The following CELF2 variants were observed in gnomAD, a reference collection of about 807,000 sequenced individuals.
CELF2 encodes the protein CUG triplet repeat RNA-binding protein 2.
A neutral mutation model predicts 62.6 loss-of-function variants in CELF2; 8 were observed. That is an observed-to-expected ratio of 0.13 (90% CI 0.07 to 0.23). CELF2 has a LOEUF of 0.23. Among genes scored for constraint, CELF2 ranks in the 10% least tolerant of loss-of-function variants. The probability of loss-of-function intolerance (pLI) is 1.00; values close to 1 mark genes in which losing one functional copy is unlikely to be tolerated. For missense variants in CELF2, 333 were observed against 671.0 expected (o/e 0.50, Z 5.56); for synonymous variants, 258 against 250.0 (o/e 1.03, Z -0.30).
At chr10:11,196,784 C>T (rs1016188770) in intron 2 of CELF2, among the ~76,000 whole-genome samples, 5 of 151,612 alleles carry the variant, frequency 3.3e-5, no homozygotes, top group African/African-American at 9.7e-5. Flanking sequence ...GGTGAAACCC[C>T]GTCTCTACAA....
chr10:10,720,800 G>A, the CELF2 span, among the ~76,000 whole-genome samples: 1 of 152,204 alleles, frequency 6.6e-6, no homozygotes, highest in Non-Finnish European at 1.5e-5. Flanking sequence ...TAACCTGGGT[G>A]GGCTTGGCTG....
At chr10:11,029,218 GT>G (rs1348535449) in intron 1 of CELF2, among the ~76,000 whole-genome samples, 2 of 152,318 alleles carry the variant, frequency 1.3e-5, no homozygotes, top group African/African-American at 4.8e-5. Context: ...TGGGGTATGG[GT>G]TATCTGTAGC....
chr10:10,811,616 G>A (rs1157320199), intron 1 of CELF2, among the ~76,000 whole-genome samples: 1 of 152,182 alleles, frequency 6.6e-6, no homozygotes, highest in Non-Finnish European at 1.5e-5. Flanking sequence ...ACCATTATAA[G>A]CCCTATGTAT....
the CELF2 span, among the ~76,000 whole-genome samples, chr10:10,605,040 G>A: frequency 9.2e-5 from 14 of 152,298 alleles, no homozygotes; most frequent in Admixed American, 3.3e-4. Context: ...ATCAACGATA[G>A]ACTGGATAAA....
intron 1 of CELF2, among the ~76,000 whole-genome samples, chr10:11,126,775 C>G (rs1282574643): frequency 6.6e-6 from 1 of 152,090 alleles, no homozygotes; most frequent in East Asian, 1.9e-4. Context: ...ATTTCCTACT[C>G]CCTTGTAATA....
the CELF2 span, among the ~76,000 whole-genome samples, chr10:10,611,359 C>G: frequency 6.6e-6 from 1 of 152,050 alleles, no homozygotes; most frequent in African/African-American, 2.4e-5. Context: ...TTTTGTATAC[C>G]TCTTCATCCT....
intron 1 of CELF2, among the ~76,000 whole-genome samples, chr10:10,893,857 TC>T (rs745419039): frequency 5.9e-5 from 9 of 151,808 alleles, no homozygotes; most frequent in Admixed American, 2.0e-4. Context: ...ATGAGAAACC[TC>T]CCCCCATGAT....
the CELF2 span, among the ~76,000 whole-genome samples, chr10:10,471,290 G>T: frequency 6.6e-6 from 1 of 151,522 alleles, no homozygotes; most frequent in South Asian, 2.1e-4. Context: ...TGTTTGTTTT[G>T]TTTTGTTTTG....
the CELF2 span, among the ~76,000 whole-genome samples, chr10:10,632,149 A>T: frequency 6.6e-6 from 1 of 152,130 alleles, no homozygotes; most frequent in Non-Finnish European, 1.5e-5. Context: ...CTATAGTCTC[A>T]TCACTAAAAC....
intron 1 of CELF2, among the ~76,000 whole-genome samples, chr10:10,857,863 A>T (rs1435450264): frequency 1.3e-5 from 2 of 151,658 alleles, no homozygotes; most frequent in East Asian, 3.9e-4. Flanking sequence ...AAACATGAAC[A>T]CACAATGAAG....
the CELF2 span, among the ~76,000 whole-genome samples, chr10:10,665,016 C>T: frequency 6.6e-6 from 1 of 152,152 alleles, no homozygotes; most frequent in African/African-American, 2.4e-5. Context: ...TCATGTTGCT[C>T]TTTGAGAATT....
chr10:11,136,619 T>G (rs1395462287), intron 1 of CELF2, among the ~76,000 whole-genome samples: 1 of 151,818 alleles, frequency 6.6e-6, no homozygotes, highest in Admixed American at 6.6e-5. Flanking sequence ...ATAAATAAAT[T>G]AATAGATAAA....
chr10:10,647,581 G>A, the CELF2 span, among the ~76,000 whole-genome samples: 2 of 152,256 alleles, frequency 1.3e-5, no homozygotes, highest in South Asian at 2.1e-4. Flanking sequence ...TTTGGACAGC[G>A]CTCTGCATTT....
chr10:10,483,491 G>A, the CELF2 span, among the ~76,000 whole-genome samples: 3 of 152,078 alleles, frequency 2.0e-5, no homozygotes, highest in Non-Finnish European at 4.4e-5. Context: ...CCGAAGGGTG[G>A]GTAAAATGTT....
chr10:10,626,501 C>T, the CELF2 span, among the ~76,000 whole-genome samples: 1 of 151,848 alleles, frequency 6.6e-6, no homozygotes, highest in Admixed American at 6.6e-5. Context: ...ACTGATAAAG[C>T]TTTCATAGGG....
chr10:10,531,973 A>C, the CELF2 span, among the ~76,000 whole-genome samples: 3 of 152,158 alleles, frequency 2.0e-5, no homozygotes, highest in Non-Finnish European at 4.4e-5. Context: ...TACGAGAAAA[A>C]CAATAAGTAG....
At chr10:11,118,096 A>G (rs1223022546) in intron 1 of CELF2, among the ~76,000 whole-genome samples, 1 of 152,172 alleles carries the variant, frequency 6.6e-6, no homozygotes, top group African/African-American at 2.4e-5. Context: ...TTGCAGAAGT[A>G]TAAGCATGCC....
chr10:11,185,570 A>G (rs1021206364), intron 2 of CELF2, among the ~76,000 whole-genome samples: 4 of 152,160 alleles, frequency 2.6e-5, no homozygotes, highest in Middle Eastern at 3.4e-3. Context: ...ACGCGCCAAC[A>G]TGCTTGGCTA....
At chr10:10,783,367 G>A in the CELF2 span, among the ~76,000 whole-genome samples, 5 of 152,094 alleles carry the variant, frequency 3.3e-5, no homozygotes, top group Non-Finnish European at 7.4e-5. Context: ...TACAGAGGGA[G>A]AACCCACAGA....
Sources: gnomAD v4.1 joint callset for allele counts (sites outside exome capture counted in the v4.1 genomes callset) on GRCh38, gnomAD v4.1.1 for gene constraint, MANE v1.5 for transcripts, NCBI Gene and HGNC (gene_info 2026-07-23, HGNC 2026-07-21) for gene names.